The following NTNG1 variants were observed in gnomAD, a reference collection of about 807,000 sequenced individuals.
NTNG1 encodes netrin-G1.
NTNG1 carries 16 observed loss-of-function variants against 54.0 expected under a neutral mutation model. The ratio of observed to expected loss-of-function variants is 0.30; its 90% CI spans 0.20 to 0.45. NTNG1 has a LOEUF of 0.45. NTNG1 is among the 20% of genes least tolerant of loss of function. NTNG1 has a pLI of 1.00. For synonymous variants in NTNG1, 255 were observed against 263.1 expected, an observed-to-expected ratio of 0.97 and a Z score of 0.30; for missense variants, 530 against 678.7, an observed-to-expected ratio of 0.78 and a Z score of 2.43.
At chr1:107,365,556 G>A (rs1002954191) in intron 3 of NTNG1, among the ~76,000 whole-genome samples, 15 of 152,002 alleles carry the variant, frequency 9.9e-5, no homozygotes, top group African/African-American at 2.9e-4. Flanking sequence ...TTTTACAGTC[G>A]CTTACCATAT....
intron 3 of NTNG1, among the ~76,000 whole-genome samples, chr1:107,374,293 T>A (rs1178895852): frequency 6.6e-6 from 1 of 152,202 alleles, no homozygotes; most frequent in Non-Finnish European, 1.5e-5. Flanking sequence ...AGAAAAGTTT[T>A]GGTAATTATT....
At chr1:107,311,092 G>A (rs575323720) in intron 2 of NTNG1, among the ~76,000 whole-genome samples, 1 of 152,218 alleles carries the variant, frequency 6.6e-6, no homozygotes, top group Admixed American at 6.5e-5. Context: ...TTTGTTCCTT[G>A]TTCTACACCT....
At chr1:107,376,441 AT>A (rs1671268105) in intron 3 of NTNG1, among the ~76,000 whole-genome samples, 1 of 151,946 alleles carries the variant, frequency 6.6e-6, no homozygotes, top group African/African-American at 2.4e-5. Flanking sequence ...AAAAAAAAAA[AT>A]TTGCTATTGT....
chr1:107,476,078 T>G (rs1393211823), intron 7 of NTNG1, among the ~76,000 whole-genome samples: 1 of 152,238 alleles, frequency 6.6e-6, no homozygotes, highest in Non-Finnish European at 1.5e-5. Context: ...CATATTTCAT[T>G]TGTCCAACTC....
At chr1:107,143,677 A>G (rs1053299820) in intron 1 of NTNG1, among the ~76,000 whole-genome samples, 2 of 152,116 alleles carry the variant, frequency 1.3e-5, no homozygotes, top group African/African-American at 2.4e-5. Flanking sequence ...TGCAGAATCC[A>G]AAGTTCTGTT....
intron 7 of NTNG1, among the ~76,000 whole-genome samples, chr1:107,468,682 T>A (rs929809743): frequency 2.6e-5 from 4 of 152,236 alleles, no homozygotes. Flanking sequence ...ACTAATCACC[T>A]TCTCAATTAA....
At chr1:107,400,125 C>T (rs1672927478) in intron 4 of NTNG1, among the ~76,000 whole-genome samples, 1 of 152,100 alleles carries the variant, frequency 6.6e-6, no homozygotes, top group South Asian at 2.1e-4. Flanking sequence ...CAGTAAAGAT[C>T]TCAAAGTCAA....
chr1:107,477,003 T>C (rs1369004326), intron 7 of NTNG1, among the ~76,000 whole-genome samples: 1 of 152,198 alleles, frequency 6.6e-6, no homozygotes, highest in Non-Finnish European at 1.5e-5. Context: ...AATTTTAAAG[T>C]GAGAACAGGA....
rs79531286 is a variant in NTNG1 at position 107,292,134 on chromosome 1, G to A, written c.247-32148G>A. 2.7e-4 allele frequency among the ~76,000 whole-genome samples: 41 copies of A among 152,318 alleles called. No individual in the cohort carries two copies. The East Asian group carries it at 7.5e-3, about 28-fold the overall frequency. ...CAAGATGCTTCCTGTTGATAAGGGT[G>A]TGAAGAAATGGTCACTCACATTCCC... On this transcript the variant is annotated intron_variant, in intron 2 of 7. Coordinates refer to ENST00000370068, the MANE Select transcript of NTNG1 (RefSeq NM_001113226.3).
chr1:107,418,621 C>T, intron 5 of NTNG1: 1 of 1,602,208 alleles, frequency 6.2e-7, no homozygotes, highest in Non-Finnish European at 8.5e-7. Flanking sequence ...TATTTCTTCC[C>T]TTGAGGTTTC....
intron 2 of NTNG1, among the ~76,000 whole-genome samples, chr1:107,258,806 G>T (rs1382018536): frequency 1.3e-5 from 2 of 152,186 alleles, no homozygotes. Context: ...GCGCAATCTT[G>T]AGGAACAGAC....
At chr1:107,403,100 G>A (rs1033741839) in intron 4 of NTNG1, among the ~76,000 whole-genome samples, 1 of 152,088 alleles carries the variant, frequency 6.6e-6, no homozygotes, top group Admixed American at 6.6e-5. Context: ...TTACTTGGTT[G>A]GGGGAGTAGT....
chr1:107,242,313 AAT>A (rs1477668070), intron 2 of NTNG1, among the ~76,000 whole-genome samples: 1 of 152,020 alleles, frequency 6.6e-6, no homozygotes, highest in Non-Finnish European at 1.5e-5. Flanking sequence ...GAAAAAAAAG[AAT>A]ATGTTTGATC....
chr1:107,207,080 C>T (rs762137309), intron 2 of NTNG1, among the ~76,000 whole-genome samples: 18 of 152,098 alleles, frequency 1.2e-4, no homozygotes, highest in Non-Finnish European at 2.4e-4. Context: ...AAGTGTGTTT[C>T]GGAGATGAAA....
chr1:107,204,629 A>G (rs1325393594), intron 2 of NTNG1, among the ~76,000 whole-genome samples: 3 of 152,184 alleles, frequency 2.0e-5, no homozygotes, highest in African/African-American at 4.8e-5. Flanking sequence ...AAGCAGAAGA[A>G]TCACTCAGCT....
Position 107,324,338 on chromosome 1 carries a change from C to T in NTNG1, c.303C>T (p.His101=). Residue 101 remains histidine, a synonymous_variant, in exon 3 of 8, where the codon CAC becomes CAT. Coordinates refer to ENST00000370068, the MANE Select transcript of NTNG1 (RefSeq NM_001113226.3). ...ATGCGAGTACCCCTGAGCTGGCACA[C>T]CCCCCTGAGCTGATGTTTGATTTTG... is the stretch of plus-strand genomic sequence containing the variant. ...ECDASTPELA[H]PPELMFDFEG... 6.2e-7 allele frequency: 1 copy of T among 1,613,418 alleles called. No homozygotes were observed. The highest frequency in any genetic ancestry group is 1.3e-5 in the African/African-American group (1 of 74,970).
At chr1:107,395,965 C>A (rs1297233371) in intron 4 of NTNG1, among the ~76,000 whole-genome samples, 1 of 152,158 alleles carries the variant, frequency 6.6e-6, no homozygotes, top group Admixed American at 6.5e-5. Flanking sequence ...AGAGTGCAAG[C>A]ATTATCCGCG....
At chr1:107,381,159 A>G (rs1486965947) in intron 3 of NTNG1, among the ~76,000 whole-genome samples, 1 of 152,132 alleles carries the variant, frequency 6.6e-6, no homozygotes, top group Admixed American at 6.5e-5. Flanking sequence ...GGCACTTGAC[A>G]TGTTATGTCA....
At chr1:107,404,376 G>T (rs1258539940) in intron 4 of NTNG1, among the ~76,000 whole-genome samples, 1 of 152,048 alleles carries the variant, frequency 6.6e-6, no homozygotes, top group Admixed American at 6.6e-5. Context: ...AAAGGAATTT[G>T]TACATTGCCT....
Sources: gnomAD v4.1 joint callset for allele counts (sites outside exome capture counted in the v4.1 genomes callset) on GRCh38, gnomAD v4.1.1 for gene constraint, MANE v1.5 for transcripts, NCBI Gene and HGNC (gene_info 2026-07-23, HGNC 2026-07-21) for gene names.